Variants in CNTNAP4 observed in about 807,000 individuals in gnomAD.
CNTNAP4 encodes the protein contactin-associated protein-like 4.
Under a neutral mutation model 148.4 loss-of-function variants are expected in CNTNAP4, and 98 were observed. That is an observed-to-expected ratio of 0.66 (90% CI 0.56 to 0.78). CNTNAP4 has a LOEUF of 0.78. Among genes scored for constraint, CNTNAP4 ranks in the 30% least tolerant of loss-of-function variants. The probability of loss-of-function intolerance (pLI) is 0.00; values close to 1 mark genes in which losing one functional copy is unlikely to be tolerated. For missense variants in CNTNAP4, 1,935 were observed against 1,565.6 expected (o/e 1.24, Z -3.98); for synonymous variants, 730 against 565.1 (o/e 1.29, Z -4.14).
chr16:76,498,614 C>G lies in CNTNAP4; in HGVS notation c.2285C>G (p.Thr762Ser), dbSNP rs753972707. The part of the protein sequence containing the change: ...LLAYKEHLPV[T>S]KIVITDTGRL... ...GCTTATAAAGAACATCTTCCAGTAA[C>G]TAAGATCGTGATTACAGACACAGGC... The change falls in exon 15 of 24, where the codon ACT (threonine) becomes AGT (serine). Residue 762 changes from threonine to serine, a missense_variant. Physicochemically the swap from Thr to Ser is moderately conservative, Grantham distance 58 (BLOSUM62 1). Transcript: ENST00000611870. 3.1e-6 allele frequency: 5 copies of G among 1,612,688 alleles called. No individual in the cohort carries two copies. The highest frequency in any genetic ancestry group is 4.2e-6 in the Non-Finnish European group (5 of 1,179,240).
intron 3 of CNTNAP4, among the ~76,000 whole-genome samples, chr16:76,394,996 C>T (rs903847132): frequency 6.6e-6 from 1 of 152,102 alleles, no homozygotes; most frequent in Non-Finnish European, 1.5e-5. Flanking sequence ...AATAGAACAA[C>T]TAGGCAATTC....
At chr16:76,428,048 C>T (rs2079474247) in intron 4 of CNTNAP4, among the ~76,000 whole-genome samples, 1 of 152,054 alleles carries the variant, frequency 6.6e-6, no homozygotes, top group Non-Finnish European at 1.5e-5. Context: ...TCATGCAATT[C>T]ACCTTTAAAT....
At chr16:76,286,259 G>A (rs1393037166) in intron 1 of CNTNAP4, among the ~76,000 whole-genome samples, 4 of 146,928 alleles carry the variant, frequency 2.7e-5, no homozygotes, top group Non-Finnish European at 6.0e-5. Flanking sequence ...AGACCATTTT[G>A]GTAGGGGAAA....
At position 76,538,357 on chromosome 16, in the gene CNTNAP4, TGAGA is replaced by T; in HGVS notation, c.3220+24_3220+27del. On this transcript the variant is annotated intron_variant, in intron 19 of 23. Transcript: ENST00000611870. ...CCAAAAATGGTGAGTTCTTTTTAGA[TGAGA>T]GAGAGAAAATTAAATTAGAACACTA... The T allele has an allele frequency of 6.5e-7, 1 of 1,548,992 alleles. No individual in the cohort carries two copies. The highest frequency in any genetic ancestry group is 8.9e-7 in the Non-Finnish European group (1 of 1,126,444).
At chr16:76,474,172 G>A (rs1466039739) in intron 10 of CNTNAP4, among the ~76,000 whole-genome samples, 3 of 152,156 alleles carry the variant, frequency 2.0e-5, no homozygotes, top group Non-Finnish European at 4.4e-5. Flanking sequence ...GCTTAAAGAA[G>A]TTAGGCTCCT....
At chr16:76,391,123 C>T (rs1048542324) in intron 3 of CNTNAP4, among the ~76,000 whole-genome samples, 2 of 152,118 alleles carry the variant, frequency 1.3e-5, no homozygotes, top group Non-Finnish European at 2.9e-5. Context: ...TGGTTTTGTA[C>T]ACATTAACTA....
chr16:76,310,001 A>G, intron 1 of CNTNAP4: 3 of 643,662 alleles, frequency 4.7e-6, no homozygotes, highest in Non-Finnish European at 5.6e-6. Context: ...TTGCTACAGG[A>G]GTTATTATTT....
At chr16:76,556,735 TTAA>T (rs1202641253) in intron 23 of CNTNAP4, among the ~76,000 whole-genome samples, 1 of 152,224 alleles carries the variant, frequency 6.6e-6, no homozygotes, top group Non-Finnish European at 1.5e-5. Context: ...TATTCATTAA[TTAA>T]TATGACTAAT....
At chr16:76,332,245 T>C (rs77339484) in intron 2 of CNTNAP4, among the ~76,000 whole-genome samples, 5,462 of 152,172 alleles carry the variant, frequency 0.036, 335 homozygotes, top group African/African-American at 0.13. Context: ...TTTTATCAAA[T>C]TTGGAAAGTT....
At position 76,559,491 on chromosome 16, in the gene CNTNAP4, T is replaced by G. The variant is rs1319569032; in HGVS notation, c.*808T>G. Among the ~76,000 whole-genome samples the G allele has an allele frequency of 6.6e-6, 1 of 152,178 alleles. No homozygotes were observed. The highest frequency in any genetic ancestry group is 1.5e-5 in the Non-Finnish European group (1 of 68,014). ...TGAGTAATGCCAGTTTCCCAAAGAA[T>G]GTAAAATGTTTTCAACTAAACTGTT... is the stretch of plus-strand genomic sequence containing the variant. On this transcript the variant is annotated 3_prime_UTR_variant, in exon 24 of 24. Transcript: ENST00000611870.
chr16:76,399,775 G>A (rs997304921), intron 3 of CNTNAP4, among the ~76,000 whole-genome samples: 2 of 152,060 alleles, frequency 1.3e-5, no homozygotes, highest in African/African-American at 4.8e-5. Context: ...TGCATCTTTT[G>A]TTATGCTTAA....
At chr16:76,457,676 A>G (rs1377190674) in intron 8 of CNTNAP4, among the ~76,000 whole-genome samples, 2 of 152,286 alleles carry the variant, frequency 1.3e-5, no homozygotes, top group East Asian at 3.9e-4. Context: ...CTGATCTATG[A>G]TGAGATGAAT....
chr16:76,303,311 A>G (rs1268543922), intron 1 of CNTNAP4, among the ~76,000 whole-genome samples: 1 of 152,186 alleles, frequency 6.6e-6, no homozygotes, highest in African/African-American at 2.4e-5. Context: ...GAAACATTTC[A>G]GCCTTCATCT....
chr16:76,425,911 T>G (rs1272797431), intron 3 of CNTNAP4, among the ~76,000 whole-genome samples: 1 of 152,186 alleles, frequency 6.6e-6, no homozygotes, highest in African/African-American at 2.4e-5. Context: ...CAAGTGTTAC[T>G]GTGTGCTCAG....
At chr16:76,519,575 T>A (rs2083382233) in intron 15 of CNTNAP4, among the ~76,000 whole-genome samples, 1 of 152,244 alleles carries the variant, frequency 6.6e-6, no homozygotes, top group African/African-American at 2.4e-5. Context: ...TCTAATTCCT[T>A]CTGAAAACAG....
chr16:76,309,113 T>G (rs1960811916), intron 1 of CNTNAP4, among the ~76,000 whole-genome samples: 1 of 152,046 alleles, frequency 6.6e-6, no homozygotes, highest in Non-Finnish European at 1.5e-5. Flanking sequence ...CCTATAATAC[T>G]TTTTACCAGG....
intron 7 of CNTNAP4, among the ~76,000 whole-genome samples, chr16:76,450,996 G>A (rs2080448205): frequency 6.6e-6 from 1 of 152,196 alleles, no homozygotes. Flanking sequence ...GCCTAGGAGG[G>A]TTGAAGAGAA....
At position 76,560,650 on chromosome 16, in the gene CNTNAP4, T is replaced by C. The variant is rs1477231498; in HGVS notation, c.*1967T>C. Among the ~76,000 whole-genome samples, 1 of 152,208 alleles carries C rather than the reference T, an allele frequency of 6.6e-6. No homozygotes were observed. The highest frequency in any genetic ancestry group is 1.5e-5 in the Non-Finnish European group (1 of 68,038). ...CTCTGTGGTCTGCACTGCTAGAGACTCAACATTATGGCATGGAAATGCATT... is the reference window on the plus strand; with the variant it reads ...CTCTGTGGTCTGCACTGCTAGAGACCCAACATTATGGCATGGAAATGCATT... On this transcript the variant is annotated 3_prime_UTR_variant, in exon 24 of 24. Transcript: ENST00000611870.
rs375732239 is a variant in CNTNAP4, at chr16:76,511,580, T to C, written c.2366-9560T>C. On this transcript the variant is annotated intron_variant, in intron 15 of 23. Coordinates refer to ENST00000611870, the MANE Select transcript of CNTNAP4 (RefSeq NM_033401.5). ...AACACATAATAAAATAATGTAACTT[T>C]GTTAGCTCCACTATGCTTGATAATT... 2.8e-3 allele frequency among the ~76,000 whole-genome samples: 430 copies of C among 152,310 alleles called. 7 individuals are homozygous for C. The highest frequency in any genetic ancestry group is 9.0e-3 in the African/African-American group (376 of 41,580).
Sources: allele counts gnomAD v4.1 joint callset (sites outside exome capture counted in the v4.1 genomes callset), GRCh38; gene constraint gnomAD v4.1.1; transcripts MANE v1.5; gene names NCBI Gene and HGNC (gene_info 2026-07-23, HGNC 2026-07-21).